Variants in WDR7 observed in about 807,000 individuals in gnomAD.
The protein encoded by WDR7 is WD repeat domain 7.
In WDR7, 46 loss-of-function variants were observed where a neutral mutation model predicts 169.4. The ratio of observed to expected loss-of-function variants is 0.27; its 90% CI spans 0.21 to 0.35. The LOEUF is 0.35. WDR7 is among the 10% of genes least tolerant of loss of function. The pLI, the probability that WDR7 is intolerant of heterozygous loss-of-function variation, is 1.00. For synonymous variants in WDR7, 612 were observed against 666.8 expected, an observed-to-expected ratio of 0.92 and a Z score of 1.27; for missense variants, 1,534 against 1,859.3, an observed-to-expected ratio of 0.83 and a Z score of 3.22.
intron 23 of WDR7, 101 bp from the exon 24 acceptor site, chr18:56,938,432 T>C: frequency 1.4e-6 from 2 of 1,437,458 alleles, no homozygotes; most frequent in Non-Finnish European, 1.9e-6. Context: ...ACAAGAAGTT[T>C]ATTTTTTTCT....
chr18:57,033,223 G>A (rs189750748), downstream of WDR7: 22 of 152,216 alleles, frequency 1.4e-4, no homozygotes, highest in Admixed American at 1.1e-3. Context: ...GGAAGTGATC[G>A]ATTCTGATGA....
intron 19 of WDR7, among the ~76,000 whole-genome samples, chr18:56,798,730 A>G (rs1051323834): frequency 1.3e-5 from 2 of 152,184 alleles, no homozygotes; most frequent in Admixed American, 6.5e-5. Flanking sequence ...CTATTGCTTT[A>G]TAAAAGTTTT....
intron 20 of WDR7, among the ~76,000 whole-genome samples, chr18:56,867,161 A>G (rs1275665123): frequency 6.6e-6 from 1 of 152,042 alleles, no homozygotes. Context: ...AGCAGCTGAG[A>G]CTGCAGGCAC....
chr18:56,952,646 G>T (rs1217585461), intron 25 of WDR7, among the ~76,000 whole-genome samples: 1 of 152,102 alleles, frequency 6.6e-6, no homozygotes, highest in African/African-American at 2.4e-5. Flanking sequence ...TGCTATTTTT[G>T]TATCTGATGA....
At chr18:56,729,033 C>T (rs1476210262) in intron 13 of WDR7, among the ~76,000 whole-genome samples, 1 of 152,162 alleles carries the variant, frequency 6.6e-6, no homozygotes, top group African/African-American at 2.4e-5. Flanking sequence ...AAACTTTAGA[C>T]ACCAGAGATC....
At chr18:56,746,761 T>C (rs1248327150) in intron 14 of WDR7, among the ~76,000 whole-genome samples, 1 of 152,320 alleles carries the variant, frequency 6.6e-6, no homozygotes. Flanking sequence ...TATTTCTCTG[T>C]ATCAGAGTTT....
In WDR7 at chr18:56,935,751, T is replaced by G. The variant is rs764356544; in HGVS notation, c.3714-37T>G. The stretch of plus-strand genomic sequence containing the variant: ...CTTTTCAGTCCATATTTCTAATGCT[T>G]CTTTTCTTTTTTTCCCTTTTTCTGA... On this transcript the variant is annotated intron_variant, in intron 22 of 27. Coordinates refer to ENST00000254442, the MANE Select transcript of WDR7 (RefSeq NM_015285.3). 7 of 1,586,694 alleles carry G rather than the reference T, an allele frequency of 4.4e-6. No homozygotes were observed. The South Asian group carries it at 6.6e-5, about 15-fold the overall frequency.
At chr18:56,676,619 A>G (rs1276179739) in intron 2 of WDR7, among the ~76,000 whole-genome samples, 2 of 152,184 alleles carry the variant, frequency 1.3e-5, no homozygotes, top group Admixed American at 6.5e-5. Flanking sequence ...TAAGCTGATA[A>G]TAACACTATT....
intron 14 of WDR7, among the ~76,000 whole-genome samples, chr18:56,744,059 G>A (rs2043662233): frequency 6.6e-6 from 1 of 152,068 alleles, no homozygotes; most frequent in Non-Finnish European, 1.5e-5. Flanking sequence ...AGACCATGGT[G>A]AAACCCCGTC....
At chr18:56,944,224 C>T (rs1047298616) in intron 25 of WDR7, among the ~76,000 whole-genome samples, 1 of 150,552 alleles carries the variant, frequency 6.6e-6, no homozygotes, top group Non-Finnish European at 1.5e-5. Flanking sequence ...GATCTCTTGA[C>T]CTCATGATCT....
intron 21 of WDR7, among the ~76,000 whole-genome samples, chr18:56,882,361 T>C (rs2046121074): frequency 6.6e-6 from 1 of 152,230 alleles, no homozygotes; most frequent in Non-Finnish European, 1.5e-5. Context: ...AATAACTCCC[T>C]GAGAGTGTCA....
intron 20 of WDR7, among the ~76,000 whole-genome samples, chr18:56,874,917 A>G (rs2046002829): frequency 6.6e-6 from 1 of 152,210 alleles, no homozygotes; most frequent in Non-Finnish European, 1.5e-5. Flanking sequence ...AGTTTTCTAG[A>G]TAACCAATCC....
At chr18:56,936,419 A>G (rs974211842) in intron 23 of WDR7, among the ~76,000 whole-genome samples, 1 of 152,250 alleles carries the variant, frequency 6.6e-6, no homozygotes, top group African/African-American at 2.4e-5. Flanking sequence ...CTGGAAAACT[A>G]GTAAAGAACA....
chr18:56,975,563 G>T lies in WDR7; in HGVS notation c.4164+13034G>T, dbSNP rs147070395. Among the ~76,000 whole-genome samples, 5 of 152,300 alleles carry T rather than the reference G, an allele frequency of 3.3e-5. No homozygotes were observed. In the East Asian group the frequency reaches 9.6e-4, roughly 29 times the overall value. On this transcript the variant is annotated intron_variant, in intron 26 of 27. Coordinates refer to ENST00000254442, the MANE Select transcript of WDR7 (RefSeq NM_015285.3). ...TCAGCAGTGACAAACACCAATGCCTGCAGAGATGAAGAAGGTGGCATAAAT... is the reference window on the plus strand; with the variant it reads ...TCAGCAGTGACAAACACCAATGCCTTCAGAGATGAAGAAGGTGGCATAAAT...
intron 26 of WDR7, among the ~76,000 whole-genome samples, chr18:56,994,882 G>C (rs1324595378): frequency 6.6e-6 from 1 of 152,198 alleles, no homozygotes; most frequent in Non-Finnish European, 1.5e-5. Flanking sequence ...CCAGAGGCTA[G>C]ACAGTGTTAA....
chr18:56,794,302 C>CTTTTTTTTTTTTTTTTTTTT (rs1217568621), intron 19 of WDR7, among the ~76,000 whole-genome samples: 2 of 29,462 alleles, frequency 6.8e-5, no homozygotes, highest in Non-Finnish European at 1.8e-4. Context: ...AAGGTAAAGT[C>CTTTTTTTTTTTTTTTTTTTT]TATTTTTTTT....
intron 20 of WDR7, among the ~76,000 whole-genome samples, chr18:56,847,806 G>A (rs1478894525): frequency 6.6e-6 from 1 of 152,158 alleles, no homozygotes; most frequent in Non-Finnish European, 1.5e-5. Context: ...CTTCCACATC[G>A]TGTTAAGCTT....
intron 13 of WDR7, 100 bp from the exon 14 acceptor site, chr18:56,731,283 A>G (rs1190366647): frequency 1.5e-6 from 2 of 1,373,510 alleles, no homozygotes; most frequent in African/African-American, 1.5e-5. Context: ...TTGATAAAAC[A>G]TGTTTCTACT....
intron 20 of WDR7, among the ~76,000 whole-genome samples, chr18:56,856,379 C>T (rs1230791473): frequency 6.6e-6 from 1 of 151,962 alleles, no homozygotes; most frequent in Admixed American, 6.6e-5. Flanking sequence ...ACAAAACTTA[C>T]AAAAATTAGC....
Sources: allele counts gnomAD v4.1 joint callset (sites outside exome capture counted in the v4.1 genomes callset), GRCh38; gene constraint gnomAD v4.1.1; transcripts MANE v1.5; gene names NCBI Gene and HGNC (gene_info 2026-07-23, HGNC 2026-07-21).